The following PDE4D variants were observed in gnomAD, a reference collection of about 807,000 sequenced individuals.
The protein encoded by PDE4D is phosphodiesterase 4D.
A neutral mutation model predicts 87.4 loss-of-function variants in PDE4D; 24 were observed. The observed-to-expected ratio is 0.27, with a 90% CI of 0.20 to 0.39. PDE4D has a LOEUF of 0.39. PDE4D is among the 10% of genes least tolerant of loss of function. PDE4D has a pLI of 1.00. For missense variants in PDE4D, 714 were observed against 1,041.0 expected (o/e 0.69, Z 4.32); for synonymous variants, 384 against 383.2 (o/e 1.00, Z -0.02).
intron 1 of PDE4D, among the ~76,000 whole-genome samples, chr5:60,243,175 G>C (rs769974810): frequency 6.6e-6 from 1 of 152,000 alleles, no homozygotes; most frequent in Non-Finnish European, 1.5e-5. Context: ...AGGATCGTTA[G>C]TGGCTACTAT....
rs181195946 is a variant in PDE4D, at chr5:60,461,108, T to C, written c.-90+26834A>G. 8.5e-4 allele frequency among the ~76,000 whole-genome samples: 129 copies of C among 152,202 alleles called. 1 individual carries two copies. Among genetic ancestry groups the C allele is most frequent in the South Asian group, 2.7e-3 (13 of 4,806 alleles). ...TATTTTCCCTGATCTAAATTAATAT[T>C]AGAAGGAGAATGAGTGCTCTCAAAA... On this transcript the variant is annotated intron_variant, in intron 1 of 16. Coordinates refer to the PDE4D transcript ENST00000502484.
intron 5 of PDE4D, among the ~76,000 whole-genome samples, chr5:59,147,086 G>T (rs1465243070): frequency 6.6e-6 from 1 of 152,144 alleles, no homozygotes; most frequent in Non-Finnish European, 1.5e-5. Context: ...AATGCCTGAT[G>T]ATCTGAGGTG....
intron 1 of PDE4D, among the ~76,000 whole-genome samples, chr5:59,349,921 C>G (rs1409839732): frequency 6.6e-6 from 1 of 152,118 alleles, no homozygotes; most frequent in African/African-American, 2.4e-5. Flanking sequence ...ATACAGAAAA[C>G]ACTCAAACTG....
chr5:59,631,804 G>T (rs1831608701), intron 1 of PDE4D, among the ~76,000 whole-genome samples: 1 of 152,008 alleles, frequency 6.6e-6, no homozygotes, highest in Non-Finnish European at 1.5e-5. Flanking sequence ...TGGGTTTCAA[G>T]CACAAAACTG....
At chr5:59,162,723 T>G (rs1188462864) in intron 5 of PDE4D, among the ~76,000 whole-genome samples, 2 of 150,720 alleles carry the variant, frequency 1.3e-5, no homozygotes, top group African/African-American at 4.9e-5. Context: ...GGTGCAGTGC[T>G]ATGTGCCTGT....
chr5:60,129,544 C>G (rs935950963), intron 2 of PDE4D, among the ~76,000 whole-genome samples: 5 of 152,204 alleles, frequency 3.3e-5, no homozygotes, highest in Non-Finnish European at 7.4e-5. Context: ...ATGTAAGAGC[C>G]CATCTAGGTG....
intron 1 of PDE4D, among the ~76,000 whole-genome samples, chr5:59,667,047 A>C (rs1477743759): frequency 6.6e-6 from 1 of 152,216 alleles, no homozygotes; most frequent in East Asian, 1.9e-4. Context: ...AGGAAATGTC[A>C]AAATGAACAA....
chr5:60,108,239 T>C (rs1213310177), intron 2 of PDE4D, among the ~76,000 whole-genome samples: 2 of 151,768 alleles, frequency 1.3e-5, no homozygotes, highest in East Asian at 3.9e-4. Flanking sequence ...AGCCAAATCA[T>C]GAGTGAACTC....
intron 1 of PDE4D, among the ~76,000 whole-genome samples, chr5:59,866,069 G>A (rs1031041527): frequency 2.6e-5 from 4 of 152,156 alleles, no homozygotes; most frequent in African/African-American, 4.8e-5. Context: ...GAGTAAGAAA[G>A]CTTATTAAAT....
At chr5:59,345,085 T>C (rs1779399271) in intron 1 of PDE4D, among the ~76,000 whole-genome samples, 1 of 151,766 alleles carries the variant, frequency 6.6e-6, no homozygotes, top group Admixed American at 6.6e-5. Flanking sequence ...AAAGACATAA[T>C]GACTATAATG....
intron 5 of PDE4D, among the ~76,000 whole-genome samples, chr5:59,095,588 T>G (rs1190290927): frequency 6.6e-6 from 1 of 152,160 alleles, no homozygotes; most frequent in Non-Finnish European, 1.5e-5. Context: ...ATCTCATTAT[T>G]GCTGGCTGCC....
intron 1 of PDE4D, among the ~76,000 whole-genome samples, chr5:59,592,566 T>A (rs762016875): frequency 3.3e-5 from 5 of 152,172 alleles, no homozygotes; most frequent in Non-Finnish European, 7.3e-5. Context: ...ATCATACTCC[T>A]CAAGGTTAAA....
intron 1 of PDE4D, among the ~76,000 whole-genome samples, chr5:59,409,316 T>C (rs189369035): frequency 6.8e-4 from 103 of 152,300 alleles, no homozygotes; most frequent in South Asian, 2.9e-3. Flanking sequence ...AATGCTGGAA[T>C]GAGTTATGAC....
intron 1 of PDE4D, among the ~76,000 whole-genome samples, chr5:60,258,591 A>C (rs1749337093): frequency 6.6e-6 from 1 of 151,996 alleles, no homozygotes; most frequent in African/African-American, 2.4e-5. Context: ...AAATATTCAA[A>C]AGGAAAAATA....
At position 58,990,882 on chromosome 5, in the gene PDE4D, T is replaced by C. The variant is rs150909718; in HGVS notation, c.1209A>G (p.Lys403=). ...CTATTCTGAAAACATGAAGACCCCA[T>C]TTGTTCACATCTTCTAGTTCCTGGA... ...VLAKELEDVN[K]WGLHVFRIAE... Residue 403 remains lysine, a synonymous_variant, in exon 9 of 15, where the codon AAA becomes AAG. Coordinates refer to ENST00000340635, the MANE Select transcript of PDE4D (RefSeq NM_001104631.2). 12 of 1,597,200 alleles carry C rather than the reference T, an allele frequency of 7.5e-6. No homozygotes were observed. In the African/African-American group the frequency reaches 1.2e-4, roughly 16 times the overall value.
In PDE4D at chr5:60,102,022, T is replaced by C. The variant is rs547494232; in HGVS notation, c.42+83535A>G. 1.1e-4 allele frequency among the ~76,000 whole-genome samples: 16 copies of C among 152,264 alleles called. No homozygotes were observed. The South Asian group carries it at 2.3e-3, about 22-fold the overall frequency. ...GTCCAAGAAAATCGGGAGACCTCAA[T>C]TGAGTTTGGAGTCACTGATGTACTT... On this transcript the variant is annotated intron_variant, in intron 2 of 16. Coordinates refer to the PDE4D transcript ENST00000502484.
intron 3 of PDE4D, among the ~76,000 whole-genome samples, chr5:59,936,571 A>T (rs1197370324): frequency 6.6e-6 from 1 of 152,182 alleles, no homozygotes; most frequent in Non-Finnish European, 1.5e-5. Context: ...CTGCCTTCAC[A>T]TTGTGAGATA....
chr5:60,431,164 CG>C (rs1283287067), intron 1 of PDE4D: 5 of 198,310 alleles, frequency 2.5e-5, no homozygotes, highest in Admixed American at 6.1e-5. Flanking sequence ...GCTGGCCGGG[CG>C]GGGGGCTGAC....
intron 1 of PDE4D, chr5:59,703,677 G>C: frequency 1.9e-6 from 1 of 518,940 alleles, no homozygotes; most frequent in Non-Finnish European, 4.0e-6. Context: ...GTAACTGGTT[G>C]AACAACTGTA....
Sources: gnomAD v4.1 joint callset for allele counts (sites outside exome capture counted in the v4.1 genomes callset) on GRCh38, gnomAD v4.1.1 for gene constraint, MANE v1.5 for transcripts, NCBI Gene and HGNC (gene_info 2026-07-23, HGNC 2026-07-21) for gene names.